Variants in CDH18 observed in about 807,000 individuals in gnomAD.
The protein encoded by CDH18 is cadherin 18, also known as cadherin-18.
In CDH18, 31 loss-of-function variants were observed where a neutral mutation model predicts 67.9. That is an observed-to-expected ratio of 0.46 (90% CI 0.34 to 0.62). The LOEUF (loss-of-function observed/expected upper bound fraction) is 0.62. Among genes scored for constraint, CDH18 ranks in the 20% least tolerant of loss-of-function variants. CDH18 has a pLI of 0.01. For missense variants in CDH18, 890 were observed against 975.5 expected, an observed-to-expected ratio of 0.91 and a Z score of 1.17; for synonymous variants, 362 against 347.2, an observed-to-expected ratio of 1.04 and a Z score of -0.48.
chr5:20,458,252 AGTTTTAAAGTTTGTTTGTTTT>A (rs1175013248), intron 1 of CDH18, among the ~76,000 whole-genome samples: 1 of 152,062 alleles, frequency 6.6e-6, no homozygotes, highest in Non-Finnish European at 1.5e-5. Flanking sequence ...TGCCTGTAGC[AGTTTTAAAGTTTGTTTGTTTT>A]GTAATAAGAA....
At chr5:20,501,568 TA>T (rs565392283) in intron 1 of CDH18, among the ~76,000 whole-genome samples, 296 of 8,802 alleles carry the variant, frequency 0.034, 8 homozygotes, top group East Asian at 0.13. Context: ...TATATATATA[TA>T]ATATATATAT....
chr5:19,527,748 TCAG>T (rs1747965163), intron 9 of CDH18, among the ~76,000 whole-genome samples: 1 of 151,782 alleles, frequency 6.6e-6, no homozygotes. Flanking sequence ...TCAACTTTTG[TCAG>T]TTTACAGTAA....
At position 19,624,524 on chromosome 5, in the gene CDH18, T is replaced by C. The variant is rs1034597189; in HGVS notation, c.644-11923A>G. 8.5e-5 allele frequency among the ~76,000 whole-genome samples: 13 copies of C among 152,294 alleles called. 2 individuals carry two copies. Among genetic ancestry groups the C allele is most frequent in the Admixed American group, 8.5e-4 (13 of 15,296 alleles). The stretch of plus-strand genomic sequence containing the variant: ...AGATTTCAGAGATATGTATATGCTT[T>C]TTTCCTTTAGCATATAGTTTTAAGT... On this transcript the variant is annotated intron_variant, in intron 5 of 12. Coordinates refer to ENST00000382275, the MANE Select transcript of CDH18 (RefSeq NM_004934.5).
chr5:20,396,632 G>C (rs556947240), intron 1 of CDH18, among the ~76,000 whole-genome samples: 3 of 135,592 alleles, frequency 2.2e-5, no homozygotes, highest in African/African-American at 4.9e-5. Context: ...ACAAACATTA[G>C]ATTGGATAAA....
chr5:20,247,981 T>C (rs571706670), intron 2 of CDH18, among the ~76,000 whole-genome samples: 5 of 152,260 alleles, frequency 3.3e-5, no homozygotes, highest in African/African-American at 1.2e-4. Context: ...ACCGCTAAAA[T>C]ATCTATCCAC....
intron 1 of CDH18, among the ~76,000 whole-genome samples, chr5:20,396,509 A>C (rs1745294166): frequency 6.6e-6 from 1 of 152,146 alleles, no homozygotes; most frequent in African/African-American, 2.4e-5. Flanking sequence ...ACTTACAAAA[A>C]TAAATCATAA....
At chr5:20,228,459 T>C (rs1741812060) in intron 2 of CDH18, among the ~76,000 whole-genome samples, 1 of 152,070 alleles carries the variant, frequency 6.6e-6, no homozygotes, top group African/African-American at 2.4e-5. Flanking sequence ...CCACACATAG[T>C]TATCATTTTT....
rs1383053329 is a variant in CDH18 at position 19,524,595 on chromosome 5, A to T, written c.1391-3817T>A. Among the ~76,000 whole-genome samples, 4 of 152,064 alleles carry T rather than the reference A, an allele frequency of 2.6e-5. No individual in the cohort carries two copies. In the East Asian group the frequency reaches 7.7e-4, roughly 29 times the overall value. The stretch of plus-strand genomic sequence containing the variant: ...ACCACTACATACATATATATTTTCT[A>T]TTCTACATATCATAAAAGATTTTAT... On this transcript the variant is annotated intron_variant, in intron 9 of 12. Coordinates refer to ENST00000382275, the MANE Select transcript of CDH18 (RefSeq NM_004934.5).
intron 1 of CDH18, among the ~76,000 whole-genome samples, chr5:20,336,544 A>T (rs1739758358): frequency 6.6e-6 from 1 of 151,808 alleles, no homozygotes; most frequent in African/African-American, 2.4e-5. Flanking sequence ...AATGTGTTGA[A>T]ACCCCGTCTA....
intron 2 of CDH18, among the ~76,000 whole-genome samples, chr5:20,033,346 C>T (rs1240797806): frequency 6.6e-6 from 1 of 152,114 alleles, no homozygotes; most frequent in South Asian, 2.1e-4. Flanking sequence ...AGGTATGACC[C>T]TTATCAAACA....
intron 2 of CDH18, among the ~76,000 whole-genome samples, chr5:20,043,874 T>C (rs1446457881): frequency 6.6e-6 from 1 of 152,184 alleles, no homozygotes; most frequent in African/African-American, 2.4e-5. Flanking sequence ...AATGTTTCTA[T>C]GGAAATCCTA....
intron 5 of CDH18, among the ~76,000 whole-genome samples, chr5:19,650,709 G>A (rs1436896390): frequency 1.3e-5 from 2 of 151,978 alleles, no homozygotes; most frequent in Non-Finnish European, 2.9e-5. Flanking sequence ...TAGTCACAAG[G>A]ATCTTTCATT....
At chr5:19,657,643 C>T (rs976013156) in intron 5 of CDH18, among the ~76,000 whole-genome samples, 5 of 152,024 alleles carry the variant, frequency 3.3e-5, no homozygotes, top group African/African-American at 4.8e-5. Flanking sequence ...TCTAAAAATA[C>T]ACACTTTTAG....
intron 2 of CDH18, among the ~76,000 whole-genome samples, chr5:19,840,392 A>G (rs1782167280): frequency 6.6e-6 from 1 of 152,062 alleles, no homozygotes; most frequent in South Asian, 2.1e-4. Context: ...ATGACAGGAT[A>G]TGGGAGAGAA....
At chr5:20,165,182 T>C (rs1226475147) in intron 2 of CDH18, among the ~76,000 whole-genome samples, 1 of 152,082 alleles carries the variant, frequency 6.6e-6, no homozygotes, top group Non-Finnish European at 1.5e-5. Flanking sequence ...ATATTATTTG[T>C]TCTGTGAAAA....
At chr5:20,304,021 A>G in intron 1 of CDH18, 1 of 1,372,790 alleles carries the variant, frequency 7.3e-7, no homozygotes, top group Non-Finnish European at 1.0e-6. Context: ...ACTTGGCAAT[A>G]ATTCCGCAGC....
intron 2 of CDH18, among the ~76,000 whole-genome samples, chr5:19,959,891 CA>C (rs1240672422): frequency 6.6e-6 from 1 of 151,992 alleles, no homozygotes; most frequent in Non-Finnish European, 1.5e-5. Flanking sequence ...TACAGGTGGA[CA>C]ACTGTAATAC....
At chr5:19,785,025 T>C (rs1485841977) in intron 3 of CDH18, among the ~76,000 whole-genome samples, 3 of 152,160 alleles carry the variant, frequency 2.0e-5, no homozygotes, top group Non-Finnish European at 2.9e-5. Context: ...CCTGGAGATG[T>C]CATGCCTTTC....
intron 2 of CDH18, among the ~76,000 whole-genome samples, chr5:19,964,860 G>A (rs1013021579): frequency 6.6e-6 from 1 of 151,944 alleles, no homozygotes; most frequent in Non-Finnish European, 1.5e-5. Flanking sequence ...AAACAAAAGA[G>A]CCAAACATAA....
Sources: allele counts gnomAD v4.1 joint callset (sites outside exome capture counted in the v4.1 genomes callset), GRCh38; gene constraint gnomAD v4.1.1; transcripts MANE v1.5; gene names NCBI Gene and HGNC (gene_info 2026-07-23, HGNC 2026-07-21).